The following MED1 variants were observed in gnomAD, a reference collection of about 807,000 sequenced individuals.
MED1 encodes mediator of RNA polymerase II transcription subunit 1.
In MED1, 17 loss-of-function variants were observed where a neutral mutation model predicts 121.3. The observed-to-expected ratio is 0.14, with a 90% CI of 0.10 to 0.21. The LOEUF is 0.21. Among genes scored for constraint, MED1 ranks in the 10% least tolerant of loss-of-function variants. The pLI is 1.00. For synonymous variants in MED1, 661 were observed against 694.4 expected, an observed-to-expected ratio of 0.95 and a Z score of 0.76; for missense variants, 1,558 against 1,919.4, an observed-to-expected ratio of 0.81 and a Z score of 3.52.
At chr17:39,419,357 T>A (rs1319768601) in intron 14 of MED1, among the ~76,000 whole-genome samples, 4 of 151,806 alleles carry the variant, frequency 2.6e-5, no homozygotes, top group Non-Finnish European at 5.9e-5. Flanking sequence ...ATTACAGGCG[T>A]GAGCCACCAC....
intron 13 of MED1, among the ~76,000 whole-genome samples, chr17:39,421,290 G>A (rs193184734): frequency 8.2e-4 from 122 of 148,200 alleles, no homozygotes; most frequent in Admixed American, 2.4e-3. Context: ...GGTGGCTTGC[G>A]CCTGTAATCC....
chr17:39,414,710 G>A (rs923615282), intron 16 of MED1, among the ~76,000 whole-genome samples: 4 of 129,316 alleles, frequency 3.1e-5, no homozygotes, highest in Admixed American at 8.7e-5. Context: ...TTGCTCTGTC[G>A]TCAGGCTGGA....
At chr17:39,441,061 C>A (rs1205219769) in intron 3 of MED1, among the ~76,000 whole-genome samples, 1 of 151,752 alleles carries the variant, frequency 6.6e-6, no homozygotes, top group Admixed American at 6.6e-5. Context: ...TTAAAACAAT[C>A]CAAGTGTCCA....
At chr17:39,422,469 G>GTTTT (rs750032186) in intron 13 of MED1, among the ~76,000 whole-genome samples, 45 of 74,344 alleles carry the variant, frequency 6.1e-4, no homozygotes, top group African/African-American at 9.4e-4. Context: ...GCCCAGCCTC[G>GTTTT]TTTTTTTTTT....
intron 10 of MED1, among the ~76,000 whole-genome samples, chr17:39,426,255 T>C (rs1483846803): frequency 6.6e-6 from 1 of 152,114 alleles, no homozygotes; most frequent in Non-Finnish European, 1.5e-5. Flanking sequence ...AAGACCAGCT[T>C]GGCCAACATA....
rs756216612 is a variant in MED1 at position 39,408,902 on chromosome 17, A to G, written c.3319T>C (p.Ser1107Pro). The change falls in exon 17 of 17, where the codon TCT becomes CCT. Residue 1107 changes from serine to proline, a missense_variant. Ser to Pro is a moderately conservative substitution (Grantham distance 74, BLOSUM62 -1). Around this residue, in one of 5 missense-constraint regions of MED1, gnomAD observed 793 missense variants for 898.2 expected, o/e 0.88. Transcript: ENST00000300651. The surrounding 1 kb of genome is among the most constrained non-coding windows in gnomAD (Gnocchi z 4.7). ...TTCATCTTCCCTGAGGTGGAAGCAGATGAGGAAGAGGAGGAAGAATGGCTA... is the reference window on the plus strand; with the variant it reads ...TTCATCTTCCCTGAGGTGGAAGCAGGTGAGGAAGAGGAGGAAGAATGGCTA... ...HHSHSSSSSS[S>P]ASTSGKMKSS... The G allele has an allele frequency of 6.2e-7, 1 of 1,614,038 alleles. No homozygotes were observed. Among genetic ancestry groups the G allele is most frequent in the African/African-American group, 1.3e-5 (1 of 74,922 alleles).
chr17:39,444,374 G>C (rs1047871645), intron 2 of MED1, among the ~76,000 whole-genome samples: 1 of 152,026 alleles, frequency 6.6e-6, no homozygotes, highest in African/African-American at 2.4e-5. Flanking sequence ...GGGCGTGGTG[G>C]TGCACGCCTA....
intron 9 of MED1, among the ~76,000 whole-genome samples, chr17:39,429,781 A>G (rs1174020697): frequency 1.3e-5 from 2 of 148,744 alleles, no homozygotes; most frequent in Admixed American, 6.8e-5. Flanking sequence ...CCCTCTGCTT[A>G]TATGTTTATA....
At chr17:39,430,009 GGAGGTT>G (rs1203322590) in intron 9 of MED1, among the ~76,000 whole-genome samples, 5 of 152,116 alleles carry the variant, frequency 3.3e-5, no homozygotes, top group African/African-American at 1.2e-4. Flanking sequence ...TTTGGGCCCA[GGAGGTT>G]GAGGCTGGAG....
chr17:39,450,496 T>G (rs1299999435), intron 1 of MED1, among the ~76,000 whole-genome samples: 1 of 152,118 alleles, frequency 6.6e-6, no homozygotes, highest in African/African-American at 2.4e-5. Flanking sequence ...TTAGCCGGAG[T>G]GTGGAACTTT....
chr17:39,422,469 GTT>G (rs750032186), intron 13 of MED1, among the ~76,000 whole-genome samples: 4 of 74,340 alleles, frequency 5.4e-5, no homozygotes, highest in African/African-American at 1.9e-4. Context: ...GCCCAGCCTC[GTT>G]TTTTTTTTTT....
chr17:39,405,494 G>A lies in MED1; in HGVS notation c.*1981C>T. On this transcript the variant is annotated 3_prime_UTR_variant, in exon 17 of 17. Transcript: ENST00000300651. ...TTTTCCTGCAGAAACCAACGGGATA[G>A]GATTCAAAACTAGGTGACAAACTCA... 1 of 1,397,546 alleles carries A rather than the reference G, an allele frequency of 7.2e-7. No individual in the cohort carries two copies. Among genetic ancestry groups the A allele is most frequent in the Non-Finnish European group, 9.3e-7 (1 of 1,077,046 alleles). The allele number at this position is 1,397,546 out of a possible 1,614,324, so 86.6% of individuals were successfully genotyped here. A position where few individuals can be genotyped will look rare whatever the true frequency, so the allele number is the denominator to read the frequency against.
In MED1 at chr17:39,407,408, G is replaced by A. The variant is rs1379285010; in HGVS notation, c.*67C>T. The A allele has an allele frequency of 1.3e-6, 2 of 1,504,368 alleles. No homozygotes were observed. Among genetic ancestry groups the A allele is most frequent in the African/African-American group, 2.8e-5 (2 of 71,574 alleles). The allele number at this position is 1,504,368 out of a possible 1,614,324, so 93.2% of individuals were successfully genotyped here. ...ACCTGTCTGACTCACCCCTTATGGT[G>A]GTTTGCCTATAAACTTATCAATAGT... On this transcript the variant is annotated 3_prime_UTR_variant, in exon 17 of 17. Transcript: ENST00000300651.
intron 13 of MED1, among the ~76,000 whole-genome samples, chr17:39,420,199 T>C (rs1055316352): frequency 1.0e-4 from 14 of 137,576 alleles, no homozygotes; most frequent in Admixed American, 5.7e-4. Context: ...CAAAATCTCT[T>C]TTTTTTTTTT....
At chr17:39,448,045 T>C (rs2048744737) in intron 1 of MED1, 141 bp from the exon 2 acceptor site, 9 of 583,906 alleles carry the variant, frequency 1.5e-5, no homozygotes, top group Non-Finnish European at 2.7e-5. Flanking sequence ...CTTCAAAACA[T>C]CCAAAGAAGA....
At position 39,410,209 on chromosome 17, in the gene MED1, G is replaced by T. The variant is rs764603504; in HGVS notation, c.2012C>A (p.Ser671Tyr). 2.5e-6 allele frequency: 4 copies of T among 1,613,944 alleles called. No individual in the cohort carries two copies. Among genetic ancestry groups the T allele is most frequent in the Non-Finnish European group, 3.4e-6 (4 of 1,180,038 alleles). Reference protein sequence around the residue: ...YGSSPLERQNSSSGSPRMEIC... With the variant: ...YGSSPLERQNYSSGSPRMEIC... ...TTCCATGCGGGGTGAGCCGGAAGAGGAGTTCTGCCTTTCTAAAGGGCTGCT... is the reference window on the plus strand; with the variant it reads ...TTCCATGCGGGGTGAGCCGGAAGAGTAGTTCTGCCTTTCTAAAGGGCTGCT... The change falls in exon 17 of 17, where the codon TCC becomes TAC. Residue 671 changes from serine (S) to tyrosine (Y), a missense_variant. Coordinates refer to ENST00000300651, the MANE Select transcript of MED1 (RefSeq NM_004774.4).
Position 39,407,432 on chromosome 17 carries a change from GT to G in MED1, c.*42del, listed in dbSNP as rs760050509. 2.6e-5 allele frequency: 41 copies of G among 1,548,668 alleles called. No individual in the cohort carries two copies. The highest frequency in any genetic ancestry group is 9.0e-5 in the East Asian group (4 of 44,394). ...TGGTTTGCCTATAAACTTATCAATA[GT>G]TTTTTTTCCTCTGGCCCTGTTTCTT... On this transcript the variant is annotated 3_prime_UTR_variant, in exon 17 of 17. Coordinates refer to ENST00000300651, the MANE Select transcript of MED1 (RefSeq NM_004774.4).
Position 39,410,162 on chromosome 17 carries a change from T to C in MED1, c.2059A>G (p.Thr687Ala). 2 of 1,614,156 alleles carry C rather than the reference T, an allele frequency of 1.2e-6. No homozygotes were observed. Among genetic ancestry groups the C allele is most frequent in the Non-Finnish European group, 1.7e-6 (2 of 1,180,024 alleles). ...RMEICSGSNK[T>A]KKKKSSRLPP... ...AATCTTGATGACTTCTTTTTCTTGG[T>C]CTTGTTGCTCCCCGAGCATATTTCC... The change falls in exon 17 of 17, where the codon ACC becomes GCC. Residue 687 changes from threonine to alanine, a missense_variant. By Grantham distance (58) the Thr-to-Ala change is moderately conservative. Coordinates refer to ENST00000300651, the MANE Select transcript of MED1 (RefSeq NM_004774.4).
intron 3 of MED1, among the ~76,000 whole-genome samples, chr17:39,442,380 G>A (rs577499974): frequency 5.9e-5 from 9 of 151,420 alleles, no homozygotes; most frequent in South Asian, 4.2e-4. Flanking sequence ...GGTGGATCAC[G>A]AGGTCAGGAG....
Sources: allele counts gnomAD v4.1 joint callset (sites outside exome capture counted in the v4.1 genomes callset), GRCh38; gene constraint gnomAD v4.1.1; regional missense constraint gnomAD v4.1.1; non-coding constraint Gnocchi (gnomAD v3.1); transcripts MANE v1.5; gene names NCBI Gene and HGNC (gene_info 2026-07-23, HGNC 2026-07-21).